Variants in SDS observed in about 807,000 individuals in gnomAD.
The protein encoded by SDS is L-serine dehydratase/L-threonine deaminase.
A neutral mutation model predicts 29.3 loss-of-function variants in SDS; 19 were observed. That is an observed-to-expected ratio of 0.65 (90% CI 0.45 to 0.95). SDS has a LOEUF of 0.95. Ranked by LOEUF, SDS falls within the 40% of genes least tolerant of loss-of-function variation. SDS has a pLI of 0.00. For missense variants in SDS, 375 were observed against 439.9 expected (o/e 0.85, Z 1.32); for synonymous variants, 176 against 189.0 (o/e 0.93, Z 0.56).
intron 1 of SDS, among the ~76,000 whole-genome samples, chr12:113,403,188 G>A (rs560845446): frequency 3.9e-5 from 6 of 152,062 alleles, no homozygotes; most frequent in African/African-American, 1.2e-4. Context: ...GTGCAGGGGC[G>A]CAATAATTGC....
At position 113,392,788 on chromosome 12, in the gene SDS, G is replaced by A; in HGVS notation, c.*153C>T. On this transcript the variant is annotated 3_prime_UTR_variant, in exon 8 of 8. Coordinates refer to ENST00000257549, the MANE Select transcript of SDS (RefSeq NM_006843.3). The stretch of plus-strand genomic sequence containing the variant: ...ATAGCCTCGCTGGCTGCCGACCTTT[G>A]GCCTCTGCATAGTGGGCTCCTGATA... 1 of 759,438 alleles carries A rather than the reference G, an allele frequency of 1.3e-6. No individual in the cohort carries two copies. The allele number at this position is 759,438 out of a possible 1,614,324, so 47.0% of individuals were successfully genotyped here.
chr12:113,403,689 C>A (rs1476621404), intron 1 of SDS, 79 bp downstream of exon 1: 1 of 152,284 alleles, frequency 6.6e-6, no homozygotes, highest in Admixed American at 6.6e-5. Context: ...CTTTCTATGT[C>A]TCCCTCTTCC....
Position 113,393,008 on chromosome 12 carries a change from T to C in SDS, c.920A>G (p.Asn307Ser). Reference protein sequence around the residue: ...SLVVIVCGGSNISLAQLRALK... With the variant: ...SLVVIVCGGSSISLAQLRALK... The stretch of plus-strand genomic sequence containing the variant: ...CGCCCGCAGCTGGGCCAGGCTGATG[T>C]TGCTGCCCCCGCAGACGATGACCAC... The change falls in exon 8 of 8, where the codon AAC (asparagine) becomes AGC (serine). Residue 307 changes from asparagine (N) to serine (S), a missense_variant. Coordinates refer to ENST00000257549, the MANE Select transcript of SDS (RefSeq NM_006843.3). 6.2e-7 allele frequency: 1 copy of C among 1,614,176 alleles called. No homozygotes were observed. Among genetic ancestry groups the C allele is most frequent in the Non-Finnish European group, 8.5e-7 (1 of 1,180,024 alleles).
chr12:113,399,616 C>T lies in SDS; in HGVS notation c.93G>A (p.Met31Ile), dbSNP rs201078173. The T allele has an allele frequency of 1.7e-5, 27 of 1,603,046 alleles. No homozygotes were observed. In the African/African-American group the frequency reaches 3.3e-4, roughly 20 times the overall value. ...AGGAGCCGGAGGGCTGGGCACTGTC[C>T]ATCTTGAGGTAGACGCTGGTGCCGG... ...KMAGTSVYLK[M>I]DSAQPSGSFK... The change falls in exon 2 of 8, where the codon ATG becomes ATA. Residue 31 changes from methionine to isoleucine, a missense_variant. By Grantham distance (10) the Met-to-Ile change is conservative. Transcript: ENST00000257549.
intron 1 of SDS, 107 bp from the exon 2 acceptor site, chr12:113,399,817 G>T: frequency 8.8e-7 from 1 of 1,133,642 alleles, no homozygotes; most frequent in Non-Finnish European, 1.2e-6. Flanking sequence ...CAAGGCCTCA[G>T]ACGAGAGAGC....
Position 113,398,773 on chromosome 12 carries a change from G to C in SDS, c.267C>G (p.Ser89Arg). ...LGVPATIVVP[S>R]TTPALTIERL... ...GCTCAATGGTGAGAGCAGGTGTGGT[G>C]CTGGGCACCACGATGGTGGCGGGGA... The change falls in exon 4 of 8, where the codon AGC becomes AGG. Residue 89 changes from serine (S) to arginine (R), a missense_variant. Physicochemically the swap from Ser to Arg is moderately radical, Grantham distance 110. Coordinates refer to ENST00000257549, the MANE Select transcript of SDS (RefSeq NM_006843.3). The C allele has an allele frequency of 6.2e-7, 1 of 1,614,174 alleles. No individual in the cohort carries two copies. Among genetic ancestry groups the C allele is most frequent in the Non-Finnish European group, 8.5e-7 (1 of 1,180,018 alleles).
rs759523637 is a variant in SDS, at chr12:113,398,783, A to G, written c.257T>C (p.Val86Ala). ...ARQLGVPATI[V>A]VPSTTPALTI... Reference sequence around the variant, plus strand: ...GAGAGCAGGTGTGGTGCTGGGCACCACGATGGTGGCGGGGACGCCGAGTTG... The same window carrying G: ...GAGAGCAGGTGTGGTGCTGGGCACCGCGATGGTGGCGGGGACGCCGAGTTG... Residue 86 changes from valine (V) to alanine (A), a missense_variant, in exon 4 of 8, where the codon GTG becomes GCG. Physicochemically the swap from Val to Ala is moderately conservative, Grantham distance 64. Transcript: ENST00000257549. 1.4e-5 allele frequency: 22 copies of G among 1,614,030 alleles called. No individual in the cohort carries two copies. The South Asian group carries it at 2.2e-4, about 16-fold the overall frequency.
At position 113,399,670 on chromosome 12, in the gene SDS, G is replaced by A. The variant is rs762390606; in HGVS notation, c.39C>T (p.Ile13=). Residue 13 remains isoleucine, a synonymous_variant, in exon 2 of 8, where the codon ATC becomes ATT. Transcript: ENST00000257549. ...SGEPLHVKTP[I]RDSMALSKMA... is the part of the protein sequence containing the mutation. ...TTTTGGACAGGGCCATGCTGTCACG[G>A]ATGGGGGTCTTCACGTGCAGGGGTT... The A allele has an allele frequency of 1.9e-6, 3 of 1,598,490 alleles. No homozygotes were observed. Among genetic ancestry groups the A allele is most frequent in the Non-Finnish European group, 1.7e-6 (2 of 1,174,384 alleles).
intron 1 of SDS, among the ~76,000 whole-genome samples, chr12:113,400,480 A>C (rs1436513327): frequency 1.3e-5 from 2 of 151,478 alleles, no homozygotes; most frequent in Non-Finnish European, 2.9e-5. Flanking sequence ...CTCAAAAAAA[A>C]AAAAGAATAG....
intron 5 of SDS, 128 bp downstream of exon 5, chr12:113,398,387 T>C: frequency 1.5e-6 from 1 of 647,212 alleles, no homozygotes; most frequent in Non-Finnish European, 2.7e-6. Flanking sequence ...TGCTTCTACA[T>C]GGTGGTGTGC....
Position 113,393,115 on chromosome 12 carries a change from C to G in SDS, c.813G>C (p.Gly271=), listed in dbSNP as rs149264110. The change falls in exon 8 of 8, where the codon GGG becomes GGC. Residue 271 remains glycine, a synonymous_variant. Coordinates refer to ENST00000257549, the MANE Select transcript of SDS (RefSeq NM_006843.3). ...DEKILVEPAC[G]AALAAVYSHV... is the part of the protein sequence containing the mutation. ...GGCTATAGACAGCGGCCAGGGCTGC[C>G]CCGCAGGCGGGCTCCACCAGGATCT... 3.1e-6 allele frequency: 5 copies of G among 1,614,060 alleles called. No homozygotes were observed. The African/African-American group carries it at 5.3e-5, about 17-fold the overall frequency.
At chr12:113,398,392 G>GTGTGCGCACACATGTGCAGCTGC (rs1565869883) in intron 5 of SDS, 123 bp downstream of exon 5, 3 of 663,712 alleles carry the variant, frequency 4.5e-6, no homozygotes, top group Non-Finnish European at 7.9e-6. Flanking sequence ...CTACATGGTG[G>GTGTGCGCACACATGTGCAGCTGC]TGTGCGCACA....
In SDS at chr12:113,398,624, A is replaced by C; in HGVS notation, c.334-18T>G. ...TCCAATAACTGCAAAGCCACAGGGG[A>C]GATAGGAGGGGGTGAGGCACAGGGG... On this transcript the variant is annotated intron_variant, in intron 4 of 7. Transcript: ENST00000257549. 1 of 1,598,612 alleles carries C rather than the reference A, an allele frequency of 6.3e-7. No individual in the cohort carries two copies. The highest frequency in any genetic ancestry group is 8.5e-7 in the Non-Finnish European group (1 of 1,170,314).
Position 113,403,843 on chromosome 12 carries a change from C to T in SDS, c.-78G>A, listed in dbSNP as rs983089161. On this transcript the variant is annotated 5_prime_UTR_variant, in exon 1 of 8. It adds an upstream start codon to the 5' untranslated region. Coordinates refer to ENST00000257549, the MANE Select transcript of SDS (RefSeq NM_006843.3). ...AGGGATCAACTGAGTAGATAGCCCA[C>T]GAAGAGAGGGGGCTGAGGACGGGTG... 6.6e-6 allele frequency: 1 copy of T among 152,466 alleles called. No individual in the cohort carries two copies. The highest frequency in any genetic ancestry group is 2.4e-5 in the African/African-American group (1 of 41,452). The allele number at this position is 152,466 out of a possible 1,614,324, so 9.4% of individuals were successfully genotyped here.
chr12:113,393,718 T>C (rs1217780442), intron 7 of SDS, among the ~76,000 whole-genome samples, 174 bp downstream of exon 7: 1 of 152,228 alleles, frequency 6.6e-6, no homozygotes, highest in Admixed American at 6.5e-5. Context: ...CTTTTGCTTT[T>C]CTATTTCTAC....
In SDS at chr12:113,397,254, C is replaced by T. The variant is rs1299638647; in HGVS notation, c.564G>A (p.Val188=). 3 of 1,614,076 alleles carry T rather than the reference C, an allele frequency of 1.9e-6. No homozygotes were observed. The highest frequency in any genetic ancestry group is 1.3e-5 in the African/African-American group (1 of 74,948). The change falls in exon 6 of 8, where the codon GTG becomes GTA. Residue 188 remains valine, a synonymous_variant. Transcript: ENST00000257549. ...CAAAAGTCTCCATGGCGATGACAGG[C>T]ACGTCCCCCCAGCCCACCTCCTGCA... ...QGLQEVGWGD[V]PVIAMETFGA... is the part of the protein sequence containing the mutation.
In SDS at chr12:113,392,481, A is replaced by G. The variant is rs905647324; in HGVS notation, c.*460T>C. 13 of 158,800 alleles carry G rather than the reference A, an allele frequency of 8.2e-5. No homozygotes were observed. Among genetic ancestry groups the G allele is most frequent in the Non-Finnish European group, 1.2e-4 (9 of 72,998 alleles). The allele number at this position is 158,800 out of a possible 1,614,324, so 9.8% of individuals were successfully genotyped here. Reference sequence around the variant, plus strand: ...AATATATTTTATTTTTCAATGAAAAAGTTTGCACATTAGAAAAATTAGTAA... The same window carrying G: ...AATATATTTTATTTTTCAATGAAAAGGTTTGCACATTAGAAAAATTAGTAA... On this transcript the variant is annotated 3_prime_UTR_variant, in exon 8 of 8. Coordinates refer to ENST00000257549, the MANE Select transcript of SDS (RefSeq NM_006843.3).
chr12:113,401,418 G>C (rs1179216693), intron 1 of SDS, among the ~76,000 whole-genome samples: 2 of 151,328 alleles, frequency 1.3e-5, no homozygotes, highest in Non-Finnish European at 2.9e-5. Flanking sequence ...TTCCAGTAGA[G>C]ATGGGGTTTT....
intron 7 of SDS, 27 bp from the exon 8 acceptor site, chr12:113,393,176 C>T (rs945711462): frequency 1.2e-6 from 2 of 1,609,626 alleles, no homozygotes; most frequent in Admixed American, 1.7e-5. Context: ...GTGACAGGGG[C>T]GTGGCCTGAG....
Sources: gnomAD v4.1 joint callset for allele counts (sites outside exome capture counted in the v4.1 genomes callset) on GRCh38, gnomAD v4.1.1 for gene constraint, MANE v1.5 for transcripts, NCBI Gene and HGNC (gene_info 2026-07-23, HGNC 2026-07-21) for gene names.